Variants in TMCC1 observed in about 807,000 individuals in gnomAD.
The protein encoded by TMCC1 is transmembrane and coiled-coil domains protein 1.
Under a neutral mutation model 52.4 loss-of-function variants are expected in TMCC1, and 15 were observed. That is an observed-to-expected ratio of 0.29 (90% CI 0.19 to 0.44). TMCC1 has a LOEUF of 0.44. Ranked by LOEUF, TMCC1 falls within the 20% of genes least tolerant of loss-of-function variation. The pLI, the probability that TMCC1 is intolerant of heterozygous loss-of-function variation, is 1.00. For missense variants in TMCC1, 503 were observed against 806.0 expected, an observed-to-expected ratio of 0.62 and a Z score of 4.55; for synonymous variants, 279 against 301.9, an observed-to-expected ratio of 0.92 and a Z score of 0.79.
chr3:129,755,181 C>G (rs1478599205), intron 4 of TMCC1, among the ~76,000 whole-genome samples: 5 of 151,914 alleles, frequency 3.3e-5, no homozygotes, highest in Non-Finnish European at 7.4e-5. Context: ...ACAATAGACA[C>G]TGGGGACTAG....
chr3:129,683,919 G>A (rs889703327), intron 4 of TMCC1, among the ~76,000 whole-genome samples: 3 of 152,212 alleles, frequency 2.0e-5, no homozygotes, highest in Admixed American at 6.5e-5. Flanking sequence ...ATACTCCAGG[G>A]TGTTATCTTT....
chr3:129,845,344 G>A (rs1451148105), intron 2 of TMCC1, among the ~76,000 whole-genome samples: 1 of 152,064 alleles, frequency 6.6e-6, no homozygotes, highest in African/African-American at 2.4e-5. Context: ...AAGGAGGAAA[G>A]GGGTGAGATA....
intron 4 of TMCC1, among the ~76,000 whole-genome samples, chr3:129,785,692 T>C (rs2055966835): frequency 6.6e-6 from 1 of 152,122 alleles, no homozygotes; most frequent in South Asian, 2.1e-4. Flanking sequence ...AGTGAAAGAA[T>C]GTCAGACAAG....
At chr3:129,839,023 C>G (rs535594888) in intron 2 of TMCC1, among the ~76,000 whole-genome samples, 2 of 152,122 alleles carry the variant, frequency 1.3e-5, no homozygotes, top group African/African-American at 4.8e-5. Flanking sequence ...TTCCTCCAGA[C>G]AAGCAAAAAT....
intron 4 of TMCC1, among the ~76,000 whole-genome samples, chr3:129,788,609 C>T (rs1403115550): frequency 4.6e-5 from 7 of 151,956 alleles, no homozygotes; most frequent in African/African-American, 1.7e-4. Context: ...ACTACAGGCG[C>T]CCGCCACCAC....
rs376957018 is a variant in TMCC1 at position 129,670,639 on chromosome 3, G to A, written c.1202C>T (p.Ala401Val). ...TGAAATCACTCCCAAAGCCTTCCCC[G>A]CATCATCCACTTGCCCTTCCTCTAA... is the stretch of plus-strand genomic sequence containing the variant. ...DSLEEGQVDD[A>V]GKALGVISNF... Residue 401 changes from alanine to valine, a missense_variant, in exon 5 of 7, where the codon GCG becomes GTG. This residue lies in a region of TMCC1 where 38 missense variants were observed against 29.8 expected (regional missense o/e 1.28). Coordinates refer to ENST00000393238, the MANE Select transcript of TMCC1 (RefSeq NM_001017395.5). 24 of 1,614,006 alleles carry A rather than the reference G, an allele frequency of 1.5e-5. No individual in the cohort carries two copies. Among genetic ancestry groups the A allele is most frequent in the Admixed American group, 3.3e-5 (2 of 59,990 alleles).
At chr3:129,749,063 A>G (rs1475061946) in intron 4 of TMCC1, among the ~76,000 whole-genome samples, 1 of 152,062 alleles carries the variant, frequency 6.6e-6, no homozygotes, top group South Asian at 2.1e-4. Flanking sequence ...CAACAACCCA[A>G]TGAGTTGTCA....
chr3:129,656,808 G>T (rs568565506), intron 5 of TMCC1: 2 of 152,290 alleles, frequency 1.3e-5, no homozygotes, highest in African/African-American at 4.8e-5. Context: ...GATAACTAGG[G>T]TCAAAGTTCT....
intron 1 of TMCC1, among the ~76,000 whole-genome samples, chr3:129,891,687 C>T (rs369749550): frequency 6.6e-6 from 1 of 152,152 alleles, no homozygotes; most frequent in Non-Finnish European, 1.5e-5. Flanking sequence ...GGGAAGAGGC[C>T]TTGTCTGTTT....
chr3:129,735,321 A>G (rs1560295716), intron 4 of TMCC1, among the ~76,000 whole-genome samples: 1 of 152,178 alleles, frequency 6.6e-6, no homozygotes, highest in Non-Finnish European at 1.5e-5. Context: ...ATGTTAGCTA[A>G]ACACACTTCG....
chr3:129,731,831 C>T (rs1195236252), intron 4 of TMCC1, among the ~76,000 whole-genome samples: 1 of 151,906 alleles, frequency 6.6e-6, no homozygotes, highest in Non-Finnish European at 1.5e-5. Flanking sequence ...TGCCATGCTG[C>T]CCAGGCTGGT....
chr3:129,817,146 G>A (rs769679235), intron 4 of TMCC1, among the ~76,000 whole-genome samples: 28 of 151,938 alleles, frequency 1.8e-4, no homozygotes, highest in Admixed American at 1.2e-3. Flanking sequence ...CCCAAAATAC[G>A]TAAATTATAT....
At chr3:129,675,041 T>G (rs2088289594) in intron 4 of TMCC1, among the ~76,000 whole-genome samples, 1 of 152,216 alleles carries the variant, frequency 6.6e-6, no homozygotes, top group South Asian at 2.1e-4. Context: ...GGTTTCACCA[T>G]GTTGCCCAGG....
chr3:129,666,856 G>A (rs769161510), intron 5 of TMCC1, among the ~76,000 whole-genome samples: 12 of 151,908 alleles, frequency 7.9e-5, no homozygotes, highest in Non-Finnish European at 1.6e-4. Flanking sequence ...CTTGAGCCCA[G>A]GAGTTCAAGA....
chr3:129,760,452 C>CTGTGTGTG lies in TMCC1; in HGVS notation c.576+67350_576+67351insCACACACA, dbSNP rs1491184427. On this transcript the variant is annotated intron_variant, in intron 4 of 6. Transcript: ENST00000393238. ...TGTGTGTGTTTTTGAGACAGTCTCG[C>CTGTGTGTG]TCTGTGTGTGTGTGTGTGTGTGTGT... 5.1e-4 allele frequency among the ~76,000 whole-genome samples: 35 copies of CTGTGTGTG among 68,444 alleles called. 2 individuals are homozygous for CTGTGTGTG. Among genetic ancestry groups the CTGTGTGTG allele is most frequent in the East Asian group, 1.7e-3 (4 of 2,340 alleles). The allele number at this position is 68,444 out of a possible 152,430, so 44.9% of individuals were successfully genotyped here.
intron 4 of TMCC1, among the ~76,000 whole-genome samples, chr3:129,826,435 G>A (rs1300660093): frequency 6.6e-6 from 1 of 152,010 alleles, no homozygotes; most frequent in African/African-American, 2.4e-5. Flanking sequence ...TGAGTCTGGG[G>A]AGGTTAAGGC....
At chr3:129,658,998 T>C (rs1340921206) in intron 5 of TMCC1, among the ~76,000 whole-genome samples, 1 of 152,166 alleles carries the variant, frequency 6.6e-6, no homozygotes, top group Non-Finnish European at 1.5e-5. Flanking sequence ...ATAAATCCTC[T>C]ATTGAAAGAG....
intron 4 of TMCC1, among the ~76,000 whole-genome samples, chr3:129,775,047 C>T (rs1461368605): frequency 1.3e-5 from 2 of 152,126 alleles, no homozygotes; most frequent in South Asian, 2.1e-4. Flanking sequence ...AGGTACTATG[C>T]TGGGGACAGA....
intron 4 of TMCC1, among the ~76,000 whole-genome samples, chr3:129,750,643 C>T (rs567207339): frequency 2.8e-5 from 4 of 140,776 alleles, no homozygotes; most frequent in South Asian, 2.3e-4. Context: ...GGTGCAATCT[C>T]GGCTCACTGC....
Sources: allele counts gnomAD v4.1 joint callset (sites outside exome capture counted in the v4.1 genomes callset), GRCh38; gene constraint gnomAD v4.1.1; regional missense constraint gnomAD v4.1.1; transcripts MANE v1.5; gene names NCBI Gene and HGNC (gene_info 2026-07-23, HGNC 2026-07-21).